The following ARHGAP26 variants were observed in gnomAD, a reference collection of about 807,000 sequenced individuals.
ARHGAP26 encodes Rho GTPase activating protein 26, also known as rho GTPase-activating protein 26.
In ARHGAP26, 38 loss-of-function variants were observed where a neutral mutation model predicts 104.8. The observed-to-expected ratio is 0.36, with a 90% CI of 0.28 to 0.48. The LOEUF (loss-of-function observed/expected upper bound fraction) is 0.48, where lower values mean the gene tolerates loss of function less well. ARHGAP26 is among the 20% of genes least tolerant of loss of function. The pLI, the probability that ARHGAP26 is intolerant of heterozygous loss-of-function variation, is 0.99. For missense variants in ARHGAP26, 704 were observed against 947.9 expected (o/e 0.74, Z 3.38); for synonymous variants, 341 against 340.0 (o/e 1.00, Z -0.03).
rs778905979 is a variant in ARHGAP26 at position 142,949,200 on chromosome 5, A to AGGAGAGAG, written c.1107+17076_1107+17077insGAGAGAGG. Among the ~76,000 whole-genome samples, 43 of 27,642 alleles carry AGGAGAGAG rather than the reference A, an allele frequency of 1.6e-3. 2 individuals carry two copies. The highest frequency in any genetic ancestry group is 0.014 in the South Asian group (8 of 564). 18.1% of individuals were successfully genotyped at this position (27,642 alleles called of 152,430 possible). A position where few individuals can be genotyped will look rare whatever the true frequency, so the allele number is the denominator to read the frequency against. On this transcript the variant is annotated intron_variant, in intron 11 of 22. Transcript: ENST00000645722. ...GAGAGAGAGAGAGAGAGAGAGAGAG[A>AGGAGAGAG]GAGAGAGAGAGAGAGAGAGAGGAGA...
chr5:143,021,792 C>T (rs1780375019), intron 12 of ARHGAP26, among the ~76,000 whole-genome samples: 1 of 152,196 alleles, frequency 6.6e-6, no homozygotes, highest in Non-Finnish European at 1.5e-5. Context: ...GTTACTCCCA[C>T]AACAAAAGGA....
At chr5:143,102,532 CT>C (rs1231387408) in intron 17 of ARHGAP26, among the ~76,000 whole-genome samples, 13 of 152,348 alleles carry the variant, frequency 8.5e-5, no homozygotes, top group African/African-American at 2.9e-4. Context: ...CTGCTAATCA[CT>C]GCTGGACCCA....
chr5:142,998,482 TGCCTTG>T, intron 11 of ARHGAP26, among the ~76,000 whole-genome samples: 1 of 152,202 alleles, frequency 6.6e-6, no homozygotes, highest in East Asian at 1.9e-4. Context: ...TCCACTTGGT[TGCCTTG>T]GCTGCTGGCT....
intron 11 of ARHGAP26, among the ~76,000 whole-genome samples, chr5:142,965,328 C>A (rs1304531031): frequency 2.0e-5 from 3 of 152,164 alleles, no homozygotes; most frequent in Non-Finnish European, 4.4e-5. Context: ...TCTCTAAACT[C>A]CCCCAGGGAA....
chr5:142,799,674 G>A (rs532203168), intron 1 of ARHGAP26, among the ~76,000 whole-genome samples: 1 of 152,330 alleles, frequency 6.6e-6, no homozygotes, highest in African/African-American at 2.4e-5. Flanking sequence ...TGGTGAGGAG[G>A]GGTCTGCTTT....
At chr5:142,924,434 A>G (rs1763624076) in intron 10 of ARHGAP26, among the ~76,000 whole-genome samples, 1 of 152,256 alleles carries the variant, frequency 6.6e-6, no homozygotes, top group African/African-American at 2.4e-5. Context: ...CAAGTAATTT[A>G]TGTGAGTCTC....
chr5:142,977,428 A>C (rs1477685930), intron 11 of ARHGAP26, among the ~76,000 whole-genome samples: 2 of 152,152 alleles, frequency 1.3e-5, no homozygotes, highest in Non-Finnish European at 2.9e-5. Flanking sequence ...TAAAAAAAAA[A>C]CAACAGTGGA....
intron 1 of ARHGAP26, among the ~76,000 whole-genome samples, chr5:142,780,340 TG>T (rs1280886813): frequency 6.6e-6 from 1 of 152,224 alleles, no homozygotes; most frequent in Non-Finnish European, 1.5e-5. Flanking sequence ...ATGAGGCACA[TG>T]AGTGACAAAT....
At chr5:143,062,108 CAG>C (rs1437591213) in intron 17 of ARHGAP26, among the ~76,000 whole-genome samples, 1 of 152,188 alleles carries the variant, frequency 6.6e-6, no homozygotes, top group Non-Finnish European at 1.5e-5. Context: ...TCACATTCAA[CAG>C]AGAGTATTAA....
chr5:142,879,547 C>T (rs184602803), intron 4 of ARHGAP26, 102 bp downstream of exon 4: 1,034 of 1,061,240 alleles, frequency 9.7e-4, no homozygotes, highest in Non-Finnish European at 1.2e-3. Flanking sequence ...TTCAGAAAAT[C>T]GAAGCCCACC....
chr5:143,116,968 A>G (rs558165951), intron 17 of ARHGAP26, among the ~76,000 whole-genome samples: 4 of 152,228 alleles, frequency 2.6e-5, no homozygotes, highest in African/African-American at 4.8e-5. Flanking sequence ...ATCTCTCCCA[A>G]GTGAATATCA....
intron 12 of ARHGAP26, among the ~76,000 whole-genome samples, chr5:143,032,210 C>T (rs527299815): frequency 1.3e-5 from 2 of 152,214 alleles, no homozygotes; most frequent in Non-Finnish European, 2.9e-5. Flanking sequence ...GGTGCAAGCT[C>T]TGCCAGCATT....
At chr5:143,190,566 A>G (rs1805792953) in intron 20 of ARHGAP26, among the ~76,000 whole-genome samples, 1 of 152,194 alleles carries the variant, frequency 6.6e-6, no homozygotes, top group Admixed American at 6.5e-5. Flanking sequence ...ATATTCCCAG[A>G]CAATTTCTAG....
At chr5:143,118,935 TATA>T (rs1164628656) in intron 17 of ARHGAP26, among the ~76,000 whole-genome samples, 1 of 142,716 alleles carries the variant, frequency 7.0e-6, no homozygotes, top group Non-Finnish European at 1.5e-5. Flanking sequence ...AACTTAAAAG[TATA>T]ATAATAAAAA....
At chr5:142,828,874 C>T (rs980583636) in intron 1 of ARHGAP26, among the ~76,000 whole-genome samples, 7 of 152,224 alleles carry the variant, frequency 4.6e-5, no homozygotes, top group African/African-American at 1.2e-4. Context: ...GTGATTCTGA[C>T]ACACACCAGG....
intron 11 of ARHGAP26, among the ~76,000 whole-genome samples, chr5:142,946,133 C>T (rs1767065913): frequency 6.6e-6 from 1 of 152,216 alleles, no homozygotes; most frequent in Non-Finnish European, 1.5e-5. Flanking sequence ...TTAAGTTTCT[C>T]TCTCTGCATC....
intron 1 of ARHGAP26, among the ~76,000 whole-genome samples, chr5:142,823,377 G>T (rs1766583527): frequency 1.3e-5 from 2 of 152,114 alleles, no homozygotes; most frequent in African/African-American, 4.8e-5. Context: ...CCTTCATTCA[G>T]TGTGCCCCTC....
rs1554195775 is a variant in ARHGAP26 at position 143,012,577 on chromosome 5, T to TATATATATATATATATATAAA, written c.1108-1501_1108-1500insATATATATATATATATAAAAT. On this transcript the variant is annotated intron_variant, in intron 11 of 22. Transcript: ENST00000645722. ...CATATATATATATATATATATATAT[T>TATATATATATATATATATAAA]ATGATCAGGTTCACCTTATGCCTTT... 1.0e-3 allele frequency among the ~76,000 whole-genome samples: 20 copies of TATATATATATATATATATAAA among 19,092 alleles called. 1 individual carries two copies. Among genetic ancestry groups the TATATATATATATATATATAAA allele is most frequent in the East Asian group, 1.0e-2 (13 of 1,306 alleles). The allele number at this position is 19,092 out of a possible 152,430, so 12.5% of individuals were successfully genotyped here. A position where few individuals can be genotyped will look rare whatever the true frequency, so the allele number is the denominator to read the frequency against.
At chr5:143,209,106 A>G (rs1204305328) in intron 21 of ARHGAP26, among the ~76,000 whole-genome samples, 1 of 152,194 alleles carries the variant, frequency 6.6e-6, no homozygotes, top group Non-Finnish European at 1.5e-5. Flanking sequence ...TGGAGTAAAA[A>G]TCTTCAAAAT....
Sources: gnomAD v4.1 joint callset for allele counts (sites outside exome capture counted in the v4.1 genomes callset) on GRCh38, gnomAD v4.1.1 for gene constraint, MANE v1.5 for transcripts, NCBI Gene and HGNC (gene_info 2026-07-23, HGNC 2026-07-21) for gene names.